The following METAP1D variants were observed in gnomAD, a reference collection of about 807,000 sequenced individuals.
The protein encoded by METAP1D is methionine aminopeptidase 1D, mitochondrial.
Under a neutral mutation model 40.5 loss-of-function variants are expected in METAP1D, and 31 were observed. The observed-to-expected ratio is 0.77, with a 90% CI of 0.58 to 1.03. The LOEUF is 1.03. METAP1D is among the 50% of genes least tolerant of loss of function. METAP1D has a pLI of 0.00. For missense variants in METAP1D, 411 were observed against 420.7 expected (o/e 0.98, Z 0.20); for synonymous variants, 151 against 146.4 (o/e 1.03, Z -0.22).
chr2:172,068,350 C>T (rs770893502), intron 5 of METAP1D, among the ~76,000 whole-genome samples: 10 of 151,842 alleles, frequency 6.6e-5, no homozygotes, highest in East Asian at 3.9e-4. Flanking sequence ...GCTGAGATCG[C>T]GCCCCTGCAC....
chr2:172,032,505 G>A (rs766999893), intron 1 of METAP1D, among the ~76,000 whole-genome samples: 7 of 152,148 alleles, frequency 4.6e-5, no homozygotes, highest in Non-Finnish European at 1.0e-4. Context: ...AACTGGTTAA[G>A]TAGAAGGAAA....
chr2:172,036,186 G>T (rs746929659), intron 1 of METAP1D, among the ~76,000 whole-genome samples: 1 of 150,762 alleles, frequency 6.6e-6, no homozygotes, highest in Admixed American at 6.6e-5. Flanking sequence ...GCGTGGTGGC[G>T]GGTGCCTGTA....
At position 172,063,693 on chromosome 2, in the gene METAP1D, C is replaced by T. The variant is rs549923750; in HGVS notation, c.199-18C>T. On this transcript the variant is annotated intron_variant, in intron 2 of 9. Coordinates refer to ENST00000315796, the MANE Select transcript of METAP1D (RefSeq NM_199227.3). ...TGCGCTGGGTTCTGATCTTCGTTTT[C>T]AATCCTTTTTCCTCAAGCACATAAA... 1 of 1,597,652 alleles carries T rather than the reference C, an allele frequency of 6.3e-7. No individual in the cohort carries two copies. Among genetic ancestry groups the T allele is most frequent in the Admixed American group, 1.7e-5 (1 of 59,712 alleles).
At chr2:172,004,976 G>T (rs1688545129) in intron 1 of METAP1D, among the ~76,000 whole-genome samples, 2 of 151,312 alleles carry the variant, frequency 1.3e-5, no homozygotes, top group South Asian at 4.2e-4. Context: ...AGGCTGGAGT[G>T]CAGTGGCACA....
chr2:172,075,503 C>T (rs1690519369), intron 6 of METAP1D, among the ~76,000 whole-genome samples: 1 of 152,190 alleles, frequency 6.6e-6, no homozygotes, highest in African/African-American at 2.4e-5. Context: ...CATACTCCAA[C>T]TCCCCATGCC....
Position 172,000,015 on chromosome 2 carries a change from C to G in METAP1D, c.40+6C>G. The stretch of plus-strand genomic sequence containing the variant: ...CCACCTGCTCGTCCGCAGAGGTAAG[C>G]GCGTGGAGGAGAGCCCCGTGAGGGT... On this transcript the variant is annotated splice_donor_region_variant and intron_variant, in intron 1 of 9. Coordinates refer to ENST00000315796, the MANE Select transcript of METAP1D (RefSeq NM_199227.3). 1 of 1,331,784 alleles carries G rather than the reference C, an allele frequency of 7.5e-7. No individual in the cohort carries two copies. Among genetic ancestry groups the G allele is most frequent in the Non-Finnish European group, 9.7e-7 (1 of 1,031,532 alleles). 82.5% of individuals were successfully genotyped at this position (1,331,784 alleles called of 1,614,324 possible).
intron 5 of METAP1D, among the ~76,000 whole-genome samples, chr2:172,069,033 C>T (rs1013459222): frequency 3.3e-5 from 5 of 152,034 alleles, no homozygotes; most frequent in Admixed American, 6.5e-5. Flanking sequence ...ATCCTTCTAC[C>T]GTAGCCTCCC....
At chr2:172,030,713 A>G (rs1047902378) in intron 1 of METAP1D, among the ~76,000 whole-genome samples, 5 of 152,244 alleles carry the variant, frequency 3.3e-5, no homozygotes, top group African/African-American at 1.2e-4. Flanking sequence ...CGCAGGAAAT[A>G]TACTGTTTCT....
chr2:172,063,213 T>C (rs575053250), intron 2 of METAP1D, among the ~76,000 whole-genome samples: 2 of 152,350 alleles, frequency 1.3e-5, no homozygotes, highest in East Asian at 3.9e-4. Flanking sequence ...GTAAGAAAAG[T>C]GTATATGTAA....
chr2:172,013,297 G>C (rs549591097), intron 1 of METAP1D, among the ~76,000 whole-genome samples: 1 of 152,322 alleles, frequency 6.6e-6, no homozygotes, highest in South Asian at 2.1e-4. Flanking sequence ...GGGAAACCCA[G>C]CCTGGCCACC....
At position 172,070,952 on chromosome 2, in the gene METAP1D, G is replaced by A. The variant is rs1300740908; in HGVS notation, c.586G>A (p.Val196Met). ...YHGDTSETFL[V>M]GNVDECGKKL... ...TGGAGACACCTCTGAAACATTTTTGGTGGGCAATGTGGACGAATGTGGTAA... is the reference window on the plus strand; with the variant it reads ...TGGAGACACCTCTGAAACATTTTTGATGGGCAATGTGGACGAATGTGGTAA... Residue 196 changes from valine to methionine, a missense_variant, in exon 6 of 10, where the codon GTG (valine) becomes ATG (methionine). By Grantham distance (21) the Val-to-Met change is conservative. Coordinates refer to ENST00000315796, the MANE Select transcript of METAP1D (RefSeq NM_199227.3). 3.7e-6 allele frequency: 6 copies of A among 1,612,362 alleles called. No individual in the cohort carries two copies. Among genetic ancestry groups the A allele is most frequent in the Non-Finnish European group, 1.7e-6 (2 of 1,178,944 alleles).
At chr2:172,069,177 A>C (rs1690364253) in intron 5 of METAP1D, among the ~76,000 whole-genome samples, 1 of 152,158 alleles carries the variant, frequency 6.6e-6, no homozygotes, top group African/African-American at 2.4e-5. Context: ...CCAGCCTCCC[A>C]AAGGATTGCA....
intron 1 of METAP1D, among the ~76,000 whole-genome samples, chr2:172,032,457 G>A (rs2105415217): frequency 6.6e-6 from 1 of 152,250 alleles, no homozygotes; most frequent in East Asian, 1.9e-4. Flanking sequence ...CACTGAATTT[G>A]TTGTTGAAAG....
intron 1 of METAP1D, among the ~76,000 whole-genome samples, chr2:172,004,377 G>A (rs973383523): frequency 6.6e-6 from 1 of 151,540 alleles, no homozygotes; most frequent in Non-Finnish European, 1.5e-5. Context: ...AGGCTGGAAT[G>A]CAGTGGTGTG....
intron 5 of METAP1D, among the ~76,000 whole-genome samples, chr2:172,067,413 C>T (rs1346179384): frequency 3.9e-5 from 6 of 152,184 alleles, no homozygotes; most frequent in Admixed American, 6.5e-5. Flanking sequence ...AGATAGCCAA[C>T]GATTCTTTCA....
intron 6 of METAP1D, among the ~76,000 whole-genome samples, chr2:172,073,762 C>A (rs1238097990): frequency 6.6e-6 from 1 of 152,146 alleles, no homozygotes; most frequent in African/African-American, 2.4e-5. Context: ...TACCTTTAAG[C>A]CAAAAGTACT....
rs1284002987 is a variant in METAP1D at position 172,063,871 on chromosome 2, A to G, written c.348+11A>G. On this transcript the variant is annotated intron_variant, in intron 3 of 9. Transcript: ENST00000315796. ...GGGAAGAGTTTAAAGGTGGCGTCTCACCAAGCCTCAGAACGACTTACATAA... is the reference window on the plus strand; with the variant it reads ...GGGAAGAGTTTAAAGGTGGCGTCTCGCCAAGCCTCAGAACGACTTACATAA... The G allele has an allele frequency of 6.3e-7, 1 of 1,599,954 alleles. No individual in the cohort carries two copies. The highest frequency in any genetic ancestry group is 1.8e-5 in the Admixed American group (1 of 56,246).
intron 1 of METAP1D, among the ~76,000 whole-genome samples, chr2:172,039,754 G>A (rs1298164699): frequency 1.4e-5 from 2 of 146,894 alleles, no homozygotes; most frequent in East Asian, 4.1e-4. Context: ...TGCAACCTCC[G>A]CCTCCCGGGT....
chr2:172,041,151 AAAAC>A (rs1263097750), intron 1 of METAP1D, among the ~76,000 whole-genome samples: 11 of 152,046 alleles, frequency 7.2e-5, no homozygotes, highest in East Asian at 1.9e-4. Context: ...ATATAAAGCA[AAAAC>A]AAACAAACAA....
Sources: gnomAD v4.1 joint callset for allele counts (sites outside exome capture counted in the v4.1 genomes callset) on GRCh38, gnomAD v4.1.1 for gene constraint, MANE v1.5 for transcripts, NCBI Gene and HGNC (gene_info 2026-07-23, HGNC 2026-07-21) for gene names.